SLC16A12: variants seen among roughly 807,000 people sequenced by gnomAD.
SLC16A12 encodes solute carrier family 16 member 12, also known as monocarboxylate transporter 12.
SLC16A12 carries 17 observed loss-of-function variants against 42.4 expected under a neutral mutation model. The observed-to-expected ratio is 0.40, with a 90% CI of 0.27 to 0.60. The LOEUF (loss-of-function observed/expected upper bound fraction) is 0.60, where lower values mean the gene tolerates loss of function less well. SLC16A12 is among the 20% of genes least tolerant of loss of function. The probability of loss-of-function intolerance (pLI) is 0.42; values close to 1 mark genes in which losing one functional copy is unlikely to be tolerated. For synonymous variants in SLC16A12, 224 were observed against 229.4 expected, an observed-to-expected ratio of 0.98 and a Z score of 0.21; for missense variants, 544 against 623.0, an observed-to-expected ratio of 0.87 and a Z score of 1.35.
chr10:89,494,206 C>T (rs1013328391), intron 2 of SLC16A12, among the ~76,000 whole-genome samples: 4 of 152,172 alleles, frequency 2.6e-5, no homozygotes, highest in Admixed American at 6.5e-5. Flanking sequence ...AAAAAGGACA[C>T]GTAGCTAGTT....
intron 2 of SLC16A12, among the ~76,000 whole-genome samples, chr10:89,554,525 G>A (rs1843796530): frequency 6.6e-6 from 1 of 152,198 alleles, no homozygotes; most frequent in Non-Finnish European, 1.5e-5. Context: ...AATTTGGGTT[G>A]AACAGGTTTG....
At chr10:89,479,272 A>G (rs1217418562) in intron 2 of SLC16A12, among the ~76,000 whole-genome samples, 1 of 150,906 alleles carries the variant, frequency 6.6e-6, no homozygotes, top group Non-Finnish European at 1.5e-5. Flanking sequence ...TCCTTGGGAG[A>G]AATCATTGCC....
At chr10:89,514,900 G>A (rs575420990) in intron 2 of SLC16A12, among the ~76,000 whole-genome samples, 2 of 152,272 alleles carry the variant, frequency 1.3e-5, no homozygotes, top group South Asian at 4.1e-4. Flanking sequence ...AGACCAGCCT[G>A]GCCAACATGG....
chr10:89,433,442 ACTTTG>A lies in SLC16A12; in HGVS notation c.1289-121_1289-117del. 21 of 1,089,918 alleles carry A rather than the reference ACTTTG, an allele frequency of 1.9e-5. No homozygotes were observed. In the Admixed American group the frequency reaches 2.6e-4, roughly 14 times the overall value. The allele number at this position is 1,089,918 out of a possible 1,614,324, so 67.5% of individuals were successfully genotyped here. ...TAGATCGATAGCACCACCAATTGTA[ACTTTG>A]AAACAAAAAGAGGTCACCTAAAAAT... On this transcript the variant is annotated intron_variant, in intron 7 of 7. Coordinates refer to ENST00000371790, the MANE Select transcript of SLC16A12 (RefSeq NM_213606.4).
intron 2 of SLC16A12, among the ~76,000 whole-genome samples, chr10:89,541,439 T>A (rs1356327783): frequency 1.3e-5 from 2 of 151,984 alleles, no homozygotes; most frequent in African/African-American, 4.8e-5. Flanking sequence ...TACAAAAAAA[T>A]TTTAAAAATT....
chr10:89,521,665 T>G (rs1843359873), intron 2 of SLC16A12, among the ~76,000 whole-genome samples: 1 of 151,748 alleles, frequency 6.6e-6, no homozygotes, highest in Non-Finnish European at 1.5e-5. Context: ...GTCCAGAGAG[T>G]GTCACACTGC....
chr10:89,440,893 T>C (rs1442561167), intron 5 of SLC16A12, among the ~76,000 whole-genome samples: 1 of 152,230 alleles, frequency 6.6e-6, no homozygotes, highest in East Asian at 1.9e-4. Context: ...GCAGTTGCTT[T>C]TACCATCTGG....
intron 2 of SLC16A12, among the ~76,000 whole-genome samples, chr10:89,506,926 G>A (rs1349104405): frequency 1.3e-5 from 2 of 151,946 alleles, no homozygotes; most frequent in Non-Finnish European, 2.9e-5. Context: ...ACTTAGTGAA[G>A]CATACACAAG....
rs1336958617 is a variant in SLC16A12 at position 89,430,852 on chromosome 10, A to G, written c.*2212T>C. The G allele has an allele frequency of 5.2e-6, 2 of 383,296 alleles. No homozygotes were observed. The highest frequency in any genetic ancestry group is 1.9e-5 in the South Asian group (1 of 51,522). 23.7% of individuals were successfully genotyped at this position (383,296 alleles called of 1,614,324 possible). A position where few individuals can be genotyped will look rare whatever the true frequency, so the allele number is the denominator to read the frequency against. ...ACATAAACAAAATTTTGTTGTGATC[A>G]TGATAAAAAATATGTATAAGAATAT... On this transcript the variant is annotated 3_prime_UTR_variant, in exon 8 of 8. Transcript: ENST00000371790.
intron 3 of SLC16A12, among the ~76,000 whole-genome samples, chr10:89,444,843 G>C (rs1841973169): frequency 1.3e-5 from 2 of 152,236 alleles, no homozygotes; most frequent in African/African-American, 2.4e-5. Context: ...CCCTTTCCTA[G>C]CTAAGGGAAG....
chr10:89,473,113 C>A (rs1842526558), intron 2 of SLC16A12, among the ~76,000 whole-genome samples: 1 of 149,372 alleles, frequency 6.7e-6, no homozygotes, highest in Non-Finnish European at 1.5e-5. Flanking sequence ...GTCACTACAC[C>A]TGGCCTCAGC....
upstream of SLC16A12, among the ~76,000 whole-genome samples, chr10:89,537,133 C>T (rs1232874845): frequency 6.8e-6 from 1 of 147,984 alleles, no homozygotes; most frequent in Non-Finnish European, 1.5e-5. Flanking sequence ...CGCAGCAAGG[C>T]ACCGTAGGTA....
chr10:89,448,520 A>C (rs1842040143), intron 3 of SLC16A12, among the ~76,000 whole-genome samples: 2 of 152,210 alleles, frequency 1.3e-5, no homozygotes, highest in South Asian at 4.1e-4. Context: ...TGATTATCTC[A>C]ATAGATGTAG....
intron 2 of SLC16A12, among the ~76,000 whole-genome samples, chr10:89,473,141 T>A (rs972376487): frequency 6.7e-6 from 1 of 149,024 alleles, no homozygotes; most frequent in African/African-American, 2.4e-5. Flanking sequence ...TTTTTTTTTT[T>A]AATGGAAACT....
At chr10:89,459,054 G>A (rs1269706408) in intron 3 of SLC16A12, among the ~76,000 whole-genome samples, 3 of 152,182 alleles carry the variant, frequency 2.0e-5, no homozygotes, top group African/African-American at 4.8e-5. Context: ...AGAGCACTCA[G>A]GAATACCTGT....
intron 2 of SLC16A12, among the ~76,000 whole-genome samples, chr10:89,553,075 G>A (rs1461560965): frequency 1.3e-5 from 2 of 152,088 alleles, no homozygotes; most frequent in Non-Finnish European, 2.9e-5. Flanking sequence ...GTGAAACCCC[G>A]TCTCTACTCC....
chr10:89,541,210 G>A (rs1426086866), intron 2 of SLC16A12, among the ~76,000 whole-genome samples: 2 of 151,946 alleles, frequency 1.3e-5, no homozygotes, highest in East Asian at 1.9e-4. Context: ...ACAGGCGTGA[G>A]CCACCACGCC....
intron 2 of SLC16A12, among the ~76,000 whole-genome samples, chr10:89,480,453 C>T (rs1842646086): frequency 6.6e-6 from 1 of 152,082 alleles, no homozygotes; most frequent in Admixed American, 6.6e-5. Flanking sequence ...CACATATTAA[C>T]AAATACTAAT....
At chr10:89,539,383 G>A (rs1032474234), upstream of SLC16A12, among the ~76,000 whole-genome samples, 1 of 152,066 alleles carries the variant, frequency 6.6e-6, no homozygotes, top group Admixed American at 6.6e-5. Flanking sequence ...TGGCCTGGAG[G>A]CACAGAATAT....
Sources: gnomAD v4.1 joint callset for allele counts (sites outside exome capture counted in the v4.1 genomes callset) on GRCh38, gnomAD v4.1.1 for gene constraint, MANE v1.5 for transcripts, NCBI Gene and HGNC (gene_info 2026-07-23, HGNC 2026-07-21) for gene names.